The following NOL8 variants were observed in gnomAD, a reference collection of about 807,000 sequenced individuals.
NOL8 encodes nucleolar protein 8, also known as nucleolar protein Nop132.
In NOL8, 93 loss-of-function variants were observed where a neutral mutation model predicts 116.1. The ratio of observed to expected loss-of-function variants is 0.80; its 90% CI spans 0.68 to 0.95. NOL8 has a LOEUF of 0.95. Among genes scored for constraint, NOL8 ranks in the 40% least tolerant of loss-of-function variants. NOL8 has a pLI of 0.00. For synonymous variants in NOL8, 419 were observed against 469.0 expected, an observed-to-expected ratio of 0.89 and a Z score of 1.38; for missense variants, 1,291 against 1,382.8, an observed-to-expected ratio of 0.93 and a Z score of 1.05.
At chr9:92,306,178 G>A (rs1269796117) in intron 11 of NOL8, among the ~76,000 whole-genome samples, 1 of 152,076 alleles carries the variant, frequency 6.6e-6, no homozygotes, top group Non-Finnish European at 1.5e-5. Flanking sequence ...ATTTTTAGTA[G>A]AGACGGGGTT....
intron 2 of NOL8, 37 bp from the exon 3 acceptor site, chr9:92,323,540 T>C: frequency 6.5e-7 from 1 of 1,534,744 alleles, no homozygotes. Context: ...AAACAATTTA[T>C]TTAAATTCTT....
intron 13 of NOL8, chr9:92,300,347 A>T: frequency 1.0e-6 from 1 of 996,036 alleles, no homozygotes; most frequent in Non-Finnish European, 1.2e-6. Flanking sequence ...CTGTGCTTGC[A>T]TGAGAAGCCT....
At chr9:92,313,967 C>T (rs1839105823) in intron 7 of NOL8, among the ~76,000 whole-genome samples, 1 of 152,146 alleles carries the variant, frequency 6.6e-6, no homozygotes, top group Non-Finnish European at 1.5e-5. Flanking sequence ...TGAACAAAAG[C>T]CCATTACAGT....
rs1354446777 is a variant in NOL8, at chr9:92,310,435, A to G, written c.2595+118T>C. 3.1e-6 allele frequency: 4 copies of G among 1,295,594 alleles called. No homozygotes were observed. The South Asian group carries it at 4.2e-5, about 14-fold the overall frequency. 80.3% of individuals were successfully genotyped at this position (1,295,594 alleles called of 1,614,324 possible). A position where few individuals can be genotyped will look rare whatever the true frequency, so the allele number is the denominator to read the frequency against. ...AGGATCACAGAAGACTCACTCTCCA[A>G]ATAAACACCCCGATGCTATAATGTA... On this transcript the variant is annotated intron_variant, in intron 9 of 16. Coordinates refer to ENST00000442668, the MANE Select transcript of NOL8 (RefSeq NM_017948.6).
intron 4 of NOL8, among the ~76,000 whole-genome samples, chr9:92,319,684 A>G (rs572236005): frequency 6.6e-6 from 1 of 152,330 alleles, no homozygotes; most frequent in Admixed American, 6.5e-5. Context: ...CAAATATCAT[A>G]AGCACAGTTG....
chr9:92,311,289 T>TA (rs777010849), intron 7 of NOL8, 30 bp from the exon 8 acceptor site: 17 of 1,532,554 alleles, frequency 1.1e-5, no homozygotes, highest in South Asian at 3.5e-5. Context: ...CATTGCATCT[T>TA]AAAAAGATTT....
intron 12 of NOL8, among the ~76,000 whole-genome samples, chr9:92,302,308 C>T (rs1837823346): frequency 6.6e-6 from 1 of 152,022 alleles, no homozygotes. Flanking sequence ...TTTATATTAC[C>T]ATAAATCTGC....
chr9:92,302,239 T>G (rs1428410719), intron 12 of NOL8, among the ~76,000 whole-genome samples: 3 of 152,154 alleles, frequency 2.0e-5, no homozygotes, highest in African/African-American at 7.2e-5. Flanking sequence ...ACTGGTAAAA[T>G]TGTAAATCAG....
chr9:92,310,667 CAT>C lies in NOL8; in HGVS notation c.2479_2480del (p.Met827GlyfsTer2), dbSNP rs755264095. The C allele has an allele frequency of 3.1e-6, 5 of 1,604,132 alleles. No homozygotes were observed. The highest frequency in any genetic ancestry group is 1.3e-5 in the African/African-American group (1 of 74,396). The part of the protein sequence containing the change: ...HPGEEWVKES[M>X]GKTSGKLFDS... The stretch of plus-strand genomic sequence containing the variant: ...CAAACAGCTTCCCTGATGTTTTACC[CAT>C]AGACTCCTGTGAAGAAACACAACAT... On this transcript the variant is annotated frameshift_variant, in exon 9 of 17. Transcript: ENST00000442668. LOFTEE classifies it high-confidence loss of function.
chr9:92,306,772 A>G (rs1838300231), intron 11 of NOL8, 114 bp downstream of exon 11: 3 of 900,428 alleles, frequency 3.3e-6, no homozygotes, highest in Middle Eastern at 2.3e-4. Flanking sequence ...GGTCTGATAC[A>G]TATTGCCAGC....
intron 10 of NOL8, among the ~76,000 whole-genome samples, chr9:92,309,888 A>G (rs1009460838): frequency 5.3e-5 from 8 of 152,230 alleles, no homozygotes; most frequent in Non-Finnish European, 2.9e-5. Context: ...ACTGCCAGGT[A>G]GGAAACTCAA....
Position 92,305,845 on chromosome 9 carries a change from G to A in NOL8, c.2826-15C>T, listed in dbSNP as rs1318357822. The A allele has an allele frequency of 2.5e-6, 4 of 1,586,704 alleles. No homozygotes were observed. In the South Asian group the frequency reaches 4.4e-5, roughly 18 times the overall value. On this transcript the variant is annotated splice_polypyrimidine_tract_variant and intron_variant, in intron 11 of 16. Coordinates refer to ENST00000442668, the MANE Select transcript of NOL8 (RefSeq NM_017948.6). ...GTATGATGTCCCTATGTAAAAAAAG[G>A]AAGGGAGGTTGGAAGAGATAAAAAC...
intron 12 of NOL8, 94 bp downstream of exon 12, chr9:92,305,659 A>G: frequency 2.3e-6 from 2 of 865,042 alleles, no homozygotes; most frequent in Non-Finnish European, 3.8e-6. Flanking sequence ...AGTGGGACCA[A>G]TGAGTAGGAT....
At chr9:92,300,736 C>T (rs1188560705) in intron 13 of NOL8, 1 of 1,185,290 alleles carries the variant, frequency 8.4e-7, no homozygotes, top group South Asian at 1.6e-5. Flanking sequence ...TTTTAAAGTA[C>T]CACGGAGTTG....
intron 15 of NOL8, chr9:92,298,543 ATGTAACTTTGTTTATGC>A: frequency 2.0e-6 from 1 of 498,000 alleles, no homozygotes; most frequent in Non-Finnish European, 3.5e-6. Context: ...ATTTACTATT[ATGTAACTTTGTTTATGC>A]TAGGCTTTAA....
Position 92,315,578 on chromosome 9 carries a change from A to G in NOL8, c.1047T>C (p.His349=), listed in dbSNP as rs767824617. Residue 349 remains histidine, a synonymous_variant, in exon 7 of 17, where the codon CAT becomes CAC. Transcript: ENST00000442668. ...TTTTGATACCTAAACCTATTAAAGA[A>G]TGCAGTTTGTGAACGCCTGATTTGA... ...DDFKSGVHKL[H]SLIGLGIKNR... is the part of the protein sequence containing the mutation. The G allele has an allele frequency of 6.2e-7, 1 of 1,613,006 alleles. No individual in the cohort carries two copies. Among genetic ancestry groups the G allele is most frequent in the East Asian group, 2.2e-5 (1 of 44,854 alleles).
In NOL8 at chr9:92,314,472, G is replaced by A. The variant is rs1284413608; in HGVS notation, c.2153C>T (p.Thr718Ile). The A allele has an allele frequency of 6.2e-7, 1 of 1,612,806 alleles. No homozygotes were observed. Among genetic ancestry groups the A allele is most frequent in the Non-Finnish European group, 8.5e-7 (1 of 1,179,026 alleles). The change falls in exon 7 of 17, where the codon ACA (threonine) becomes ATA (isoleucine). Residue 718 changes from threonine to isoleucine, a missense_variant. By Grantham distance (89) the Thr-to-Ile change is moderately conservative. Coordinates refer to ENST00000442668, the MANE Select transcript of NOL8 (RefSeq NM_017948.6). ...QEERSDSSGL[T>I]SLKKSPKVSS... is the part of the protein sequence containing the mutation. ...GACCTTTGGTGATTTCTTGAGAGAT[G>A]TGAGGCCGCTTGAATCAGACCGCTC...
At position 92,311,131 on chromosome 9, in the gene NOL8, T is replaced by C. The variant is rs1369526250; in HGVS notation, c.2472+15A>G. On this transcript the variant is annotated intron_variant, in intron 8 of 16. Transcript: ENST00000442668. The stretch of plus-strand genomic sequence containing the variant: ...AAGTAGATGAATGTCCACAGAGACA[T>C]CCTGAACTTCTTACTTTCACCCATT... 1 of 1,582,454 alleles carries C rather than the reference T, an allele frequency of 6.3e-7. No homozygotes were observed. Among genetic ancestry groups the C allele is most frequent in the East Asian group, 2.2e-5 (1 of 44,696 alleles).
chr9:92,318,803 G>A, intron 5 of NOL8, 117 bp from the exon 6 acceptor site: 1 of 630,546 alleles, frequency 1.6e-6, no homozygotes, highest in Non-Finnish European at 2.6e-6. Flanking sequence ...GTTGGGTTTA[G>A]TTTTCTGACA....
Sources: allele counts gnomAD v4.1 joint callset (sites outside exome capture counted in the v4.1 genomes callset), GRCh38; gene constraint gnomAD v4.1.1; transcripts MANE v1.5; gene names NCBI Gene and HGNC (gene_info 2026-07-23, HGNC 2026-07-21).